Variants in TULP4 observed in about 807,000 individuals in gnomAD.
TULP4 encodes the protein TUB like protein 4.
In TULP4, 16 loss-of-function variants were observed where a neutral mutation model predicts 129.0. The observed-to-expected ratio is 0.12, with a 90% CI of 0.08 to 0.19. The LOEUF is 0.19. Ranked by LOEUF, TULP4 falls within the 10% of genes least tolerant of loss-of-function variation. The pLI is 1.00. For missense variants in TULP4, 1,842 were observed against 2,059.1 expected (o/e 0.89, Z 2.04); for synonymous variants, 998 against 854.0 (o/e 1.17, Z -2.94).
chr6:158,427,183 A>G (rs923610977), intron 2 of TULP4, among the ~76,000 whole-genome samples: 1 of 152,206 alleles, frequency 6.6e-6, no homozygotes, highest in Non-Finnish European at 1.5e-5. Context: ...AATTCAGATG[A>G]CACTCAACAT....
chr6:158,332,164 T>A (rs1779911397), intron 1 of TULP4, among the ~76,000 whole-genome samples: 1 of 85,556 alleles, frequency 1.2e-5, no homozygotes, highest in Non-Finnish European at 2.2e-5. Context: ...AGAGTAAGAC[T>A]CTGTCAAAAA....
intron 1 of TULP4, among the ~76,000 whole-genome samples, chr6:158,257,791 T>TCTCAAAGC (rs1188390908): frequency 6.6e-6 from 1 of 152,168 alleles, no homozygotes; most frequent in Non-Finnish European, 1.5e-5. Flanking sequence ...CATATTATAC[T>TCTCAAAGC]CTCAAAGCAG....
At chr6:158,483,394 G>A (rs1779992268) in intron 8 of TULP4, among the ~76,000 whole-genome samples, 1 of 152,120 alleles carries the variant, frequency 6.6e-6, no homozygotes, top group African/African-American at 2.4e-5. Context: ...GTGCAGTGGT[G>A]CCATTACAGC....
At chr6:158,298,175 A>G (rs1002386530) in intron 1 of TULP4, among the ~76,000 whole-genome samples, 1 of 152,168 alleles carries the variant, frequency 6.6e-6, no homozygotes. Context: ...TTCCCTAAAA[A>G]TCGCTGTTAT....
intron 1 of TULP4, among the ~76,000 whole-genome samples, chr6:158,243,811 T>C (rs1361554647): frequency 1.3e-5 from 2 of 151,518 alleles, no homozygotes; most frequent in Non-Finnish European, 2.9e-5. Flanking sequence ...GATTACAATA[T>C]GGTTACATCC....
intron 1 of TULP4, among the ~76,000 whole-genome samples, chr6:158,319,186 A>G (rs10945541): frequency 0.69 from 104,609 of 152,028 alleles, 36,246 homozygotes; most frequent in East Asian, 0.89. Flanking sequence ...GTGTTTTATT[A>G]TGGGGGCTGC....
intron 1 of TULP4, among the ~76,000 whole-genome samples, chr6:158,238,740 G>T: frequency 2.1e-5 from 2 of 96,400 alleles, no homozygotes; most frequent in Non-Finnish European, 4.3e-5. Flanking sequence ...GCACAGGGTT[G>T]GGGGTAAGGT....
chr6:158,254,352 A>AG (rs772792947), intron 1 of TULP4, among the ~76,000 whole-genome samples: 1 of 152,160 alleles, frequency 6.6e-6, no homozygotes, highest in Non-Finnish European at 1.5e-5. Context: ...CATGTTGGCC[A>AG]GGCTGGTCTC....
intron 1 of TULP4, among the ~76,000 whole-genome samples, chr6:158,329,605 G>T (rs1325836078): frequency 1.3e-5 from 2 of 152,232 alleles, no homozygotes; most frequent in East Asian, 1.9e-4. Flanking sequence ...GACTTGGGAA[G>T]TTAATTTTAT....
upstream of TULP4, among the ~76,000 whole-genome samples, chr6:158,310,757 C>T (rs1246566728): frequency 1.3e-5 from 2 of 152,182 alleles, no homozygotes; most frequent in Non-Finnish European, 2.9e-5. Flanking sequence ...AAAAAGCAAG[C>T]AGTTCATTTT....
intron 1 of TULP4, among the ~76,000 whole-genome samples, chr6:158,399,881 A>T (rs1009726515): frequency 1.6e-4 from 25 of 152,250 alleles, no homozygotes; most frequent in African/African-American, 5.8e-4. Context: ...ACGAAAGAAC[A>T]CTCTAAAAGA....
chr6:158,260,841 CAA>C (rs1778339451), intron 1 of TULP4, among the ~76,000 whole-genome samples: 1 of 136,262 alleles, frequency 7.3e-6, no homozygotes, highest in Admixed American at 7.6e-5. Context: ...TTTTTTGAGA[CAA>C]GAGTTTCGCT....
intron 1 of TULP4, among the ~76,000 whole-genome samples, chr6:158,406,490 G>A (rs1295983260): frequency 1.3e-5 from 2 of 152,184 alleles, no homozygotes. Flanking sequence ...TTTTTACTCA[G>A]GAGTTTGCAG....
At chr6:158,236,901 C>T (rs1039942848) in intron 1 of TULP4, among the ~76,000 whole-genome samples, 8 of 145,552 alleles carry the variant, frequency 5.5e-5, no homozygotes, top group Non-Finnish European at 1.2e-4. Flanking sequence ...GCAACCTCCG[C>T]CTCCCAGTTT....
At chr6:158,350,478 A>C (rs920933907) in intron 1 of TULP4, among the ~76,000 whole-genome samples, 3 of 152,194 alleles carry the variant, frequency 2.0e-5, no homozygotes, top group Non-Finnish European at 4.4e-5. Flanking sequence ...CAATCCCAGC[A>C]CCTCGGGAGG....
rs185117700 is a variant in TULP4 at position 158,393,289 on chromosome 6, G to A, written c.253-19776G>A. On this transcript the variant is annotated intron_variant, in intron 1 of 13. Transcript: ENST00000367097. ...CCCCCATGGCTGCTTTCATGGACTG[G>A]TGTTGAGTGTCTGTGGCTTTTTCAG... Among the ~76,000 whole-genome samples, 792 of 152,298 alleles carry A rather than the reference G, an allele frequency of 5.2e-3. 7 individuals are homozygous for A. Among genetic ancestry groups the A allele is most frequent in the African/African-American group, 0.018 (751 of 41,568 alleles).
chr6:158,381,157 G>GT (rs113020165), intron 1 of TULP4, among the ~76,000 whole-genome samples: 98,826 of 147,576 alleles, frequency 0.67, 33,482 homozygotes, highest in Middle Eastern at 0.74. Context: ...GTGCTTTATG[G>GT]TTGTTTTTTT....
intron 8 of TULP4, among the ~76,000 whole-genome samples, chr6:158,486,765 T>G (rs1307482472): frequency 6.6e-6 from 1 of 152,162 alleles, no homozygotes; most frequent in Non-Finnish European, 1.5e-5. Context: ...ATTTAGAGTG[T>G]ATATTTAAAA....
At chr6:158,238,407 G>A in intron 1 of TULP4, 1 of 417,180 alleles carries the variant, frequency 2.4e-6, no homozygotes, top group Admixed American at 4.2e-5. Context: ...GTAATGCCTT[G>A]TTAAATTGTT....
Sources: allele counts gnomAD v4.1 joint callset (sites outside exome capture counted in the v4.1 genomes callset), GRCh38; gene constraint gnomAD v4.1.1; transcripts MANE v1.5; gene names NCBI Gene and HGNC (gene_info 2026-07-23, HGNC 2026-07-21).